ZDHHC19: variants seen among roughly 807,000 people sequenced by gnomAD.
The protein encoded by ZDHHC19 is palmitoyltransferase ZDHHC19.
A neutral mutation model predicts 33.9 loss-of-function variants in ZDHHC19; 30 were observed. That is an observed-to-expected ratio of 0.88 (90% CI 0.66 to 1.20). The LOEUF (loss-of-function observed/expected upper bound fraction) is 1.20. ZDHHC19 is among the 50% of genes most tolerant of loss of function. The probability of loss-of-function intolerance (pLI) is 0.00; values close to 1 mark genes in which losing one functional copy is unlikely to be tolerated. For missense variants in ZDHHC19, 364 were observed against 401.1 expected (o/e 0.91, Z 0.79); for synonymous variants, 178 against 167.6 (o/e 1.06, Z -0.48).
intron 4 of ZDHHC19, among the ~76,000 whole-genome samples, chr3:196,207,878 G>T (rs1457580036): frequency 8.8e-6 from 1 of 114,038 alleles, no homozygotes; most frequent in South Asian, 2.8e-4. Context: ...GTCCCCGCCC[G>T]TCCAGATCTG....
At chr3:196,200,645 C>A (rs191881843) in intron 5 of ZDHHC19, among the ~76,000 whole-genome samples, 10 of 145,756 alleles carry the variant, frequency 6.9e-5, no homozygotes, top group African/African-American at 2.6e-4. Flanking sequence ...TGAGCCACCA[C>A]GCCTGGCCTT....
chr3:196,206,496 G>T (rs1195439995), intron 5 of ZDHHC19, among the ~76,000 whole-genome samples: 1 of 151,824 alleles, frequency 6.6e-6, no homozygotes, highest in East Asian at 1.9e-4. Context: ...GGGACTAAAG[G>T]CACGTGCCAC....
Position 196,209,394 on chromosome 3 carries a change from C to A in ZDHHC19, c.390G>T (p.Trp130Cys). 1 of 1,603,948 alleles carries A rather than the reference C, an allele frequency of 6.2e-7. No homozygotes were observed. Among genetic ancestry groups the A allele is most frequent in the Non-Finnish European group, 8.5e-7 (1 of 1,175,722 alleles). ...HRPPRTYHCP[W>C]CNICVEDFDH... The stretch of plus-strand genomic sequence containing the variant: ...CACTCACCTCCACACAGATGTTGCA[C>A]CAGGGGCAGTGGTAAGTCCGGGGCG... The change falls in exon 3 of 8, where the codon TGG (tryptophan) becomes TGT (cysteine). Residue 130 changes from tryptophan (W) to cysteine (C), a missense_variant. Transcript: ENST00000296326.
rs747973937 is a variant in ZDHHC19, at chr3:196,198,793, G to T, written c.769C>A (p.Pro257Thr). 6.2e-7 allele frequency: 1 copy of T among 1,614,058 alleles called. No individual in the cohort carries two copies. The highest frequency in any genetic ancestry group is 8.5e-7 in the Non-Finnish European group (1 of 1,179,972). ...WYLTICAPLG[P>T]KYMAEAVQLQ... ...GCCTCTGGCTTGCCAACTCACTTGG[G>T]TCCCAGTGGTGCACAAATTGTTAAA... The change falls in exon 6 of 8, where the codon CCC becomes ACC. Residue 257 changes from proline (P) to threonine (T), a missense_variant. Transcript: ENST00000296326.
In ZDHHC19 at chr3:196,210,719, C is replaced by A; in HGVS notation, c.165G>T (p.Gln55His). The A allele has an allele frequency of 6.2e-7, 1 of 1,613,786 alleles. No homozygotes were observed. The highest frequency in any genetic ancestry group is 8.5e-7 in the Non-Finnish European group (1 of 1,179,878). ...TAACAGGAAAGGCCCACTCCCCGTT[C>A]TGAGCCAGCCACCTGCAACTGAGAC... ...FFAFPCRWLA[Q>H]NGEWAFPVIT... is the part of the protein sequence containing the mutation. Residue 55 changes from glutamine to histidine, a missense_variant, in exon 2 of 8, where the codon CAG becomes CAT. Coordinates refer to ENST00000296326, the MANE Select transcript of ZDHHC19 (RefSeq NM_001039617.2).
chr3:196,210,934 A>C (rs975980612), intron 1 of ZDHHC19, among the ~76,000 whole-genome samples, 197 bp from the exon 2 acceptor site: 6 of 152,214 alleles, frequency 3.9e-5, no homozygotes, highest in Non-Finnish European at 7.4e-5. Flanking sequence ...CCCAAAATGC[A>C]CAGGCACCCT....
Position 196,209,488 on chromosome 3 carries a change from A to G in ZDHHC19, c.296T>C (p.Val99Ala), listed in dbSNP as rs1470194101. The change falls in exon 3 of 8, where the codon GTG becomes GCG. Residue 99 changes from valine (V) to alanine (A), a missense_variant. By Grantham distance (64) the Val-to-Ala change is moderately conservative (BLOSUM62 0). Transcript: ENST00000296326. ...QGSAEQGPLTVHVVWVNHGAF... is the reference protein window; with the variant it reads ...QGSAEQGPLTAHVVWVNHGAF... ...CCCGTGGTTCACCCACACCACGTGC[A>G]CCGTCAAGGGGCCCTGCTCAGCGGA... is the stretch of plus-strand genomic sequence containing the variant. 6.2e-7 allele frequency: 1 copy of G among 1,613,014 alleles called. No individual in the cohort carries two copies. Among genetic ancestry groups the G allele is most frequent in the Non-Finnish European group, 8.5e-7 (1 of 1,179,742 alleles).
intron 5 of ZDHHC19, among the ~76,000 whole-genome samples, chr3:196,202,813 G>A (rs1722464881): frequency 6.6e-6 from 1 of 152,230 alleles, no homozygotes; most frequent in Admixed American, 6.5e-5. Context: ...CCGGGGAAGG[G>A]GGAGAGTGGG....
At chr3:196,198,518 G>A in intron 6 of ZDHHC19, 67 bp from the exon 7 acceptor site, 1 of 1,588,030 alleles carries the variant, frequency 6.3e-7, no homozygotes, top group East Asian at 2.3e-5. Flanking sequence ...GCCCGCCTCA[G>A]CTTGGGAAGC....
At chr3:196,208,120 G>A (rs987156521) in intron 4 of ZDHHC19, among the ~76,000 whole-genome samples, 25 of 151,760 alleles carry the variant, frequency 1.6e-4, no homozygotes, top group Admixed American at 3.9e-4. Flanking sequence ...AGGCTGGTCT[G>A]GGTCTCGGGC....
intron 3 of ZDHHC19, chr3:196,208,960 C>T (rs1722999484): frequency 3.6e-6 from 1 of 274,292 alleles, no homozygotes; most frequent in Admixed American, 4.8e-5. Flanking sequence ...AAGCCGTGCT[C>T]TCGAGAGAGA....
At chr3:196,202,706 G>T (rs893341549) in intron 5 of ZDHHC19, among the ~76,000 whole-genome samples, 5 of 152,190 alleles carry the variant, frequency 3.3e-5, no homozygotes, top group African/African-American at 9.7e-5. Context: ...TGCTGTGTGC[G>T]GTCCGGAAAG....
At position 196,200,539 on chromosome 3, in the gene ZDHHC19, A is replaced by G. The variant is rs1029955830; in HGVS notation, c.688-1665T>C. On this transcript the variant is annotated intron_variant, in intron 5 of 7. Coordinates refer to ENST00000296326, the MANE Select transcript of ZDHHC19 (RefSeq NM_001039617.2). ...CCAGCTAATTTTTTGTATTTTTAGT[A>G]GAGACGGGGTTTCACCGTGTTAGCC... Among the ~76,000 whole-genome samples the G allele has an allele frequency of 4.7e-5, 7 of 149,794 alleles. No individual in the cohort carries two copies. In the East Asian group the frequency reaches 7.8e-4, roughly 17 times the overall value.
At chr3:196,210,555 C>A in intron 2 of ZDHHC19, 61 bp downstream of exon 2, 1 of 1,608,612 alleles carries the variant, frequency 6.2e-7, no homozygotes, top group Non-Finnish European at 8.5e-7. Context: ...TTTAGGAATC[C>A]CCCCTGCAGG....
intron 2 of ZDHHC19, among the ~76,000 whole-genome samples, chr3:196,210,404 A>C (rs1723179697): frequency 7.0e-6 from 1 of 142,446 alleles, no homozygotes; most frequent in South Asian, 2.2e-4. Flanking sequence ...AGAAAGAGGG[A>C]GAGAGAGAGG....
intron 2 of ZDHHC19, 49 bp from the exon 3 acceptor site, chr3:196,209,564 CGCG>C (rs1723049923): frequency 6.3e-7 from 1 of 1,591,094 alleles, no homozygotes; most frequent in Admixed American, 1.7e-5. Context: ...GCGGTCACCC[CGCG>C]GCGGGGGCAG....
intron 5 of ZDHHC19, among the ~76,000 whole-genome samples, chr3:196,202,148 G>A (rs754140596): frequency 1.3e-5 from 2 of 152,236 alleles, no homozygotes; most frequent in African/African-American, 2.4e-5. Flanking sequence ...GTGAAATCCC[G>A]TCTCTAATAA....
At position 196,208,374 on chromosome 3, in the gene ZDHHC19, A is replaced by G; in HGVS notation, c.581+14T>C. 6.5e-7 allele frequency: 1 copy of G among 1,544,094 alleles called. No homozygotes were observed. The highest frequency in any genetic ancestry group is 8.8e-7 in the Non-Finnish European group (1 of 1,139,500). ...TCCCCGCCTCCTCTCCTGCTTCCCC[A>G]CGTGGGCGGATACGCGATGGCCTTG... On this transcript the variant is annotated intron_variant, in intron 4 of 7. Coordinates refer to ENST00000296326, the MANE Select transcript of ZDHHC19 (RefSeq NM_001039617.2).
In ZDHHC19 at chr3:196,208,426, G is replaced by A. The variant is rs370959927; in HGVS notation, c.543C>T (p.Arg181=). 6 of 1,614,010 alleles carry A rather than the reference G, an allele frequency of 3.7e-6. No individual in the cohort carries two copies. In the East Asian group the frequency reaches 1.3e-4, roughly 36 times the overall value. Reference sequence around the variant, plus strand: ...CGGTGGAGAAGGGCAGGTGGGTTGTGCGCACCAGGAAGATGAGACAGGTGA... The same window carrying A: ...CGGTGGAGAAGGGCAGGTGGGTTGTACGCACCAGGAAGATGAGACAGGTGA... The part of the protein sequence containing the change: ...MLVTCLIFLV[R]TTHLPFSTDK... Residue 181 remains arginine (R), a synonymous_variant, in exon 4 of 8, where the codon CGC becomes CGT. Coordinates refer to ENST00000296326, the MANE Select transcript of ZDHHC19 (RefSeq NM_001039617.2).
Sources: gnomAD v4.1 joint callset for allele counts (sites outside exome capture counted in the v4.1 genomes callset) on GRCh38, gnomAD v4.1.1 for gene constraint, MANE v1.5 for transcripts, NCBI Gene and HGNC (gene_info 2026-07-23, HGNC 2026-07-21) for gene names.